Variants in FHOD3 observed in about 807,000 individuals in gnomAD.
The protein encoded by FHOD3 is formin homology 2 domain containing 3.
A neutral mutation model predicts 173.0 loss-of-function variants in FHOD3; 90 were observed. That is an observed-to-expected ratio of 0.52 (90% CI 0.44 to 0.62). FHOD3 has a LOEUF of 0.62. Among genes scored for constraint, FHOD3 ranks in the 20% least tolerant of loss-of-function variants. The pLI is 0.00. For synonymous variants in FHOD3, 828 were observed against 823.0 expected (o/e 1.01, Z -0.10); for missense variants, 1,945 against 2,034.7 (o/e 0.96, Z 0.85).
intron 1 of FHOD3, among the ~76,000 whole-genome samples, chr18:36,324,718 G>A (rs1456865158): frequency 6.6e-6 from 1 of 152,166 alleles, no homozygotes; most frequent in African/African-American, 2.4e-5. Flanking sequence ...TAATCTTAAG[G>A]GTTGGAAAAG....
At chr18:36,627,404 G>A (rs2034192378) in intron 10 of FHOD3, among the ~76,000 whole-genome samples, 1 of 152,126 alleles carries the variant, frequency 6.6e-6, no homozygotes, top group Non-Finnish European at 1.5e-5. Context: ...GTGAGTTCAG[G>A]TGACAATGCT....
At chr18:36,730,116 G>A (rs1312552031) in intron 19 of FHOD3, among the ~76,000 whole-genome samples, 1 of 152,200 alleles carries the variant, frequency 6.6e-6, no homozygotes, top group Non-Finnish European at 1.5e-5. Flanking sequence ...GGTATAAGGG[G>A]CATGGAATGT....
chr18:36,395,199 A>G (rs1598954673), intron 3 of FHOD3, among the ~76,000 whole-genome samples: 1 of 149,504 alleles, frequency 6.7e-6, no homozygotes, highest in African/African-American at 2.5e-5. Context: ...ATTTAAAAAT[A>G]TCTGTATCTA....
At chr18:36,769,925 TGAAA>T (rs2043303463) in intron 28 of FHOD3, among the ~76,000 whole-genome samples, 1 of 152,126 alleles carries the variant, frequency 6.6e-6, no homozygotes, top group Non-Finnish European at 1.5e-5. Context: ...TTGGGATGCT[TGAAA>T]TATTTAACGT....
At chr18:36,615,262 C>T (rs1220325285) in intron 9 of FHOD3, among the ~76,000 whole-genome samples, 2 of 151,532 alleles carry the variant, frequency 1.3e-5, no homozygotes, top group African/African-American at 2.4e-5. Flanking sequence ...TGTATTTTTC[C>T]ACTTCTGATA....
intron 17 of FHOD3, among the ~76,000 whole-genome samples, chr18:36,697,095 A>G (rs2039327997): frequency 6.6e-6 from 1 of 152,224 alleles, no homozygotes; most frequent in Non-Finnish European, 1.5e-5. Flanking sequence ...TTCTCTGAGG[A>G]TGAAAACTAA....
chr18:36,523,605 T>C (rs992966333), intron 5 of FHOD3, among the ~76,000 whole-genome samples: 3 of 152,206 alleles, frequency 2.0e-5, no homozygotes, highest in Non-Finnish European at 4.4e-5. Context: ...AGCATGTTTC[T>C]TGAGTTGATT....
intron 2 of FHOD3, among the ~76,000 whole-genome samples, chr18:36,356,695 G>T (rs1043191347): frequency 1.3e-5 from 2 of 152,070 alleles, no homozygotes; most frequent in African/African-American, 4.8e-5. Flanking sequence ...GAGTGTAGTG[G>T]TGTGATCTCG....
At chr18:36,326,426 CAA>C in intron 1 of FHOD3, among the ~76,000 whole-genome samples, 1 of 152,192 alleles carries the variant, frequency 6.6e-6, no homozygotes, top group Non-Finnish European at 1.5e-5. Context: ...AATTAACAGA[CAA>C]TATGTTTAAA....
At chr18:36,559,365 C>T (rs181208436) in intron 5 of FHOD3, among the ~76,000 whole-genome samples, 6 of 152,286 alleles carry the variant, frequency 3.9e-5, no homozygotes, top group African/African-American at 9.6e-5. Flanking sequence ...AACTGAGCAG[C>T]GGGACCGGTG....
chr18:36,382,763 G>A (rs569253162), intron 3 of FHOD3, among the ~76,000 whole-genome samples: 13 of 151,036 alleles, frequency 8.6e-5, no homozygotes, highest in Admixed American at 6.6e-4. Context: ...CTGTCAACCC[G>A]AGACGGGTCC....
intron 3 of FHOD3, among the ~76,000 whole-genome samples, chr18:36,437,961 C>T (rs983026541): frequency 1.3e-5 from 2 of 152,076 alleles, no homozygotes; most frequent in Non-Finnish European, 1.5e-5. Flanking sequence ...CGCGCCTGGC[C>T]GAGTTTTTGG....
chr18:36,570,242 A>G (rs988877387), intron 5 of FHOD3, among the ~76,000 whole-genome samples: 3 of 152,096 alleles, frequency 2.0e-5, no homozygotes, highest in African/African-American at 7.2e-5. Context: ...ACAGAATACT[A>G]TGAACAACTC....
chr18:36,349,868 C>T (rs1323372615), intron 1 of FHOD3, among the ~76,000 whole-genome samples: 2 of 152,114 alleles, frequency 1.3e-5, no homozygotes, highest in Non-Finnish European at 2.9e-5. Context: ...CTGGTTCAAA[C>T]AATTCTCCTG....
chr18:36,660,298 T>C (rs1454650874), intron 14 of FHOD3, among the ~76,000 whole-genome samples: 1 of 152,074 alleles, frequency 6.6e-6, no homozygotes, highest in African/African-American at 2.4e-5. Context: ...AAGACTTGGA[T>C]CCCAGAGTGC....
intron 2 of FHOD3, among the ~76,000 whole-genome samples, chr18:36,361,843 A>C (rs955323555): frequency 2.0e-5 from 3 of 152,136 alleles, no homozygotes; most frequent in East Asian, 3.9e-4. Context: ...GGCTCATGAA[A>C]TCAGAACTCA....
intron 17 of FHOD3, among the ~76,000 whole-genome samples, chr18:36,703,711 T>C (rs2039711961): frequency 6.6e-6 from 1 of 152,190 alleles, no homozygotes; most frequent in South Asian, 2.1e-4. Flanking sequence ...GTGTGAGTGA[T>C]GGTCTGCCCT....
chr18:36,721,606 C>T (rs1408065229), intron 19 of FHOD3, among the ~76,000 whole-genome samples: 4 of 152,266 alleles, frequency 2.6e-5, no homozygotes, highest in East Asian at 1.9e-4. Context: ...GTGATCATGC[C>T]ACTGCACTCC....
chr18:36,618,965 C>T (rs1010796072), intron 9 of FHOD3, among the ~76,000 whole-genome samples: 5 of 152,194 alleles, frequency 3.3e-5, no homozygotes, highest in Non-Finnish European at 7.3e-5. Context: ...CAGACCTCCT[C>T]TCTGTCTGTG....
Sources: allele counts gnomAD v4.1 joint callset (sites outside exome capture counted in the v4.1 genomes callset), GRCh38; gene constraint gnomAD v4.1.1; transcripts MANE v1.5; gene names NCBI Gene and HGNC (gene_info 2026-07-23, HGNC 2026-07-21).